The following NTRK2 variants were observed in gnomAD, a reference collection of about 807,000 sequenced individuals.
NTRK2 encodes neurotrophic receptor tyrosine kinase 2.
Under a neutral mutation model 94.5 loss-of-function variants are expected in NTRK2, and 13 were observed. That is an observed-to-expected ratio of 0.14 (90% CI 0.09 to 0.22). The LOEUF is 0.22. Among genes scored for constraint, NTRK2 ranks in the 10% least tolerant of loss-of-function variants. The probability of loss-of-function intolerance (pLI) is 1.00; values close to 1 mark genes in which losing one functional copy is unlikely to be tolerated. For synonymous variants in NTRK2, 372 were observed against 407.4 expected, an observed-to-expected ratio of 0.91 and a Z score of 1.05; for missense variants, 639 against 1,071.2, an observed-to-expected ratio of 0.60 and a Z score of 5.63.
chr9:84,846,412 T>C (rs2074476126), intron 12 of NTRK2, among the ~76,000 whole-genome samples: 1 of 152,226 alleles, frequency 6.6e-6, no homozygotes. Flanking sequence ...AATTTTAAGC[T>C]GGACACTATT....
intron 12 of NTRK2, among the ~76,000 whole-genome samples, chr9:84,796,238 C>T (rs2069313049): frequency 6.6e-6 from 1 of 152,140 alleles, no homozygotes; most frequent in Non-Finnish European, 1.5e-5. Context: ...AGCATCTAGG[C>T]CTTCTCCTCT....
At chr9:84,706,129 A>G (rs2061042014) in intron 4 of NTRK2, among the ~76,000 whole-genome samples, 1 of 152,126 alleles carries the variant, frequency 6.6e-6, no homozygotes, top group African/African-American at 2.4e-5. Flanking sequence ...GAAGAGACCT[A>G]TGTGGGCACA....
intron 9 of NTRK2, among the ~76,000 whole-genome samples, chr9:84,728,166 T>A (rs2062592608): frequency 6.6e-6 from 1 of 151,900 alleles, no homozygotes; most frequent in South Asian, 2.1e-4. Context: ...AGCAGCTACA[T>A]AGGAGATGTG....
chr9:84,852,962 T>C (rs1325689799), intron 12 of NTRK2, among the ~76,000 whole-genome samples: 1 of 152,072 alleles, frequency 6.6e-6, no homozygotes, highest in African/African-American at 2.4e-5. Flanking sequence ...TTTCCTGGCA[T>C]ATAGCAAGCA....
intron 17 of NTRK2, among the ~76,000 whole-genome samples, chr9:84,979,906 A>G (rs1006513957): frequency 2.6e-5 from 4 of 152,232 alleles, no homozygotes; most frequent in African/African-American, 9.6e-5. Flanking sequence ...TTTTAGCAAT[A>G]AAGTGTTTTA....
intron 14 of NTRK2, among the ~76,000 whole-genome samples, chr9:84,901,635 A>G (rs1044018642): frequency 6.6e-6 from 1 of 152,288 alleles, no homozygotes; most frequent in East Asian, 1.9e-4. Flanking sequence ...TGAAGAGCAT[A>G]TTGATTTTCA....
chr9:84,965,452 G>T (rs2034107), intron 17 of NTRK2, among the ~76,000 whole-genome samples: 20,181 of 152,204 alleles, frequency 0.13, 1,523 homozygotes, highest in African/African-American at 0.19. Flanking sequence ...AAACTGATTT[G>T]GGGGGAGATG....
chr9:84,957,829 T>C (rs1242771027), intron 17 of NTRK2, among the ~76,000 whole-genome samples: 2 of 152,120 alleles, frequency 1.3e-5, no homozygotes, highest in African/African-American at 4.8e-5. Context: ...AGCTAAAAAG[T>C]GGAAACAAGT....
chr9:84,744,507 G>C (rs1207951419), intron 10 of NTRK2, among the ~76,000 whole-genome samples: 4 of 152,058 alleles, frequency 2.6e-5, no homozygotes, highest in African/African-American at 9.7e-5. Flanking sequence ...GGCGTCACGT[G>C]TGAGCGCTAC....
At chr9:84,877,767 G>A (rs1402588815) in intron 14 of NTRK2, 1 of 1,055,640 alleles carries the variant, frequency 9.5e-7, no homozygotes, top group East Asian at 5.2e-5. Flanking sequence ...GTATGTATGA[G>A]TGACCAATGG....
chr9:84,844,974 C>A (rs941144994), intron 12 of NTRK2, among the ~76,000 whole-genome samples: 1 of 151,754 alleles, frequency 6.6e-6, no homozygotes, highest in Non-Finnish European at 1.5e-5. Flanking sequence ...GGTGTGGATG[C>A]GGTGAAAAAG....
chr9:84,708,335 C>CA (rs1386250374), intron 5 of NTRK2, among the ~76,000 whole-genome samples: 2 of 152,170 alleles, frequency 1.3e-5, no homozygotes, highest in African/African-American at 4.8e-5. Context: ...AAACTCTGCT[C>CA]ACTTTTGTCC....
intron 14 of NTRK2, among the ~76,000 whole-genome samples, chr9:84,924,236 AAAGAAAG>A (rs1259507113): frequency 1.2e-5 from 1 of 80,366 alleles, no homozygotes; most frequent in East Asian, 3.9e-4. Context: ...AAGTAGAAAG[AAAGAAAG>A]AAAGAAAGAA....
In NTRK2 at chr9:84,958,270, GA is replaced by G. The variant is rs537291573; in HGVS notation, c.2172+2760del. ...GGTACCTGAATTATATCTCAAAAAA[GA>G]AAAAAAGAGCATGAAAAGGAAAATA... is the stretch of plus-strand genomic sequence containing the variant. On this transcript the variant is annotated intron_variant, in intron 17 of 18. Coordinates refer to ENST00000277120, the MANE Select transcript of NTRK2 (RefSeq NM_006180.6). Among the ~76,000 whole-genome samples the G allele has an allele frequency of 4.0e-5, 6 of 151,072 alleles. No homozygotes were observed. The East Asian group carries it at 1.2e-3, about 29-fold the overall frequency.
chr9:84,701,280 G>T (rs1359149446), intron 2 of NTRK2, among the ~76,000 whole-genome samples: 5 of 152,200 alleles, frequency 3.3e-5, no homozygotes, highest in African/African-American at 1.2e-4. Flanking sequence ...TCTGTGGACT[G>T]ACTTCATTCT....
chr9:84,813,464 C>T (rs200056675), intron 12 of NTRK2: 5 of 1,064,876 alleles, frequency 4.7e-6, no homozygotes, highest in African/African-American at 1.6e-5. Context: ...TGTTCTCTCA[C>T]GGTATCCTTC....
intron 17 of NTRK2, among the ~76,000 whole-genome samples, chr9:84,991,095 G>A (rs1293825909): frequency 6.6e-6 from 1 of 152,132 alleles, no homozygotes; most frequent in African/African-American, 2.4e-5. Context: ...TCCCTGAAGC[G>A]ATTTATTAGG....
intron 12 of NTRK2, among the ~76,000 whole-genome samples, chr9:84,799,772 G>A (rs1564304701): frequency 6.6e-6 from 1 of 152,182 alleles, no homozygotes; most frequent in African/African-American, 2.4e-5. Flanking sequence ...TAACAGTTCA[G>A]TTGGGGGTGG....
At chr9:84,891,788 A>C (rs2076602746) in intron 14 of NTRK2, among the ~76,000 whole-genome samples, 1 of 152,230 alleles carries the variant, frequency 6.6e-6, no homozygotes, top group South Asian at 2.1e-4. Context: ...GAATTAAGTT[A>C]TAAATTAGAA....
Sources: allele counts gnomAD v4.1 joint callset (sites outside exome capture counted in the v4.1 genomes callset), GRCh38; gene constraint gnomAD v4.1.1; transcripts MANE v1.5; gene names NCBI Gene and HGNC (gene_info 2026-07-23, HGNC 2026-07-21).